SLC30A10: variants seen among roughly 807,000 people sequenced by gnomAD.
SLC30A10 encodes calcium/manganese antiporter SLC30A10.
Under a neutral mutation model 21.7 loss-of-function variants are expected in SLC30A10, and 8 were observed. The observed-to-expected ratio is 0.37, with a 90% CI of 0.22 to 0.67. The LOEUF (loss-of-function observed/expected upper bound fraction) is 0.67, where lower values mean the gene tolerates loss of function less well. Among genes scored for constraint, SLC30A10 ranks in the 30% least tolerant of loss-of-function variants. The pLI is 0.58. For missense variants in SLC30A10, 521 were observed against 642.5 expected (o/e 0.81, Z 2.04); for synonymous variants, 272 against 279.4 (o/e 0.97, Z 0.26).
intron 1 of SLC30A10, 70 bp from the exon 2 acceptor site, chr1:219,927,175 C>T: frequency 5.9e-6 from 9 of 1,514,774 alleles, no homozygotes; most frequent in Non-Finnish European, 8.2e-6. Flanking sequence ...CCAATGGACT[C>T]AAAATAAAGT....
chr1:219,931,704 C>A (rs1353890911), upstream of SLC30A10, among the ~76,000 whole-genome samples: 2 of 152,168 alleles, frequency 1.3e-5, no homozygotes, highest in East Asian at 3.9e-4. Context: ...TGGTCTCGAA[C>A]TCCTGGCCTC....
Position 219,915,811 on chromosome 1 carries a change from T to C in SLC30A10, c.1096A>G (p.Ile366Val). ...DRGYQDASTK[I>V]REIFHHAGIH... The stretch of plus-strand genomic sequence containing the variant: ...CCCGCATGGTGGAAGATTTCTCGAA[T>C]TTTTGTGCTGGCATCTTGATATCCC... The change falls in exon 4 of 4, where the codon ATT becomes GTT. Residue 366 changes from isoleucine to valine, a missense_variant. Ile to Val is a conservative substitution (Grantham distance 29). Coordinates refer to ENST00000366926, the MANE Select transcript of SLC30A10 (RefSeq NM_018713.3). 1 of 1,614,238 alleles carries C rather than the reference T, an allele frequency of 6.2e-7. No homozygotes were observed. The highest frequency in any genetic ancestry group is 1.3e-5 in the African/African-American group (1 of 75,062).
chr1:219,921,904 TGAAA>T (rs1284797432), intron 2 of SLC30A10, among the ~76,000 whole-genome samples: 1 of 84,706 alleles, frequency 1.2e-5, no homozygotes, highest in Non-Finnish European at 2.3e-5. Context: ...TGTGTGTGTG[TGAAA>T]GAGAGAGAGA....
At chr1:219,932,705 CTTTTT>C (rs58052957), upstream of SLC30A10, among the ~76,000 whole-genome samples, 50 of 64,912 alleles carry the variant, frequency 7.7e-4, no homozygotes, top group Non-Finnish European at 1.1e-3. Context: ...AGTAACCATT[CTTTTT>C]TTTTTTTTTT....
Position 219,911,602 on chromosome 1 carries a change from GC to G in SLC30A10, c.*3846del, listed in dbSNP as rs1659416465. Among the ~76,000 whole-genome samples the G allele has an allele frequency of 6.6e-6, 1 of 151,958 alleles. No individual in the cohort carries two copies. The highest frequency in any genetic ancestry group is 1.5e-5 in the Non-Finnish European group (1 of 67,996). On this transcript the variant is annotated 3_prime_UTR_variant, in exon 4 of 4. Transcript: ENST00000366926. ...GATGAGTATAAAGGGATTTATAAGG[GC>G]TTTTCATTTCAAATTACATTTTTCT...
upstream of SLC30A10, among the ~76,000 whole-genome samples, chr1:219,933,025 T>G (rs557527907): frequency 1.5e-4 from 23 of 151,158 alleles, no homozygotes; most frequent in South Asian, 4.8e-3. Context: ...CCTGCCATTG[T>G]ACTCCAGCCT....
chr1:219,922,176 G>GTTT (rs869249213), intron 2 of SLC30A10, among the ~76,000 whole-genome samples: 8 of 36,438 alleles, frequency 2.2e-4, no homozygotes, highest in Non-Finnish European at 4.1e-4. Context: ...GTGTGTGTGT[G>GTTT]TTTTTTTTTT....
chr1:219,915,844 TA>T lies in SLC30A10; in HGVS notation c.1062del (p.Lys355ArgfsTer24), dbSNP rs1659527256. 1 of 1,614,238 alleles carries T rather than the reference TA, an allele frequency of 6.2e-7. No individual in the cohort carries two copies. The highest frequency in any genetic ancestry group is 8.5e-7 in the Non-Finnish European group (1 of 1,180,056). ...KIIATLHIKY[P>X]KDRGYQDAST... ...CTGGCATCTTGATATCCCCTGTCCT[TA>T]GGATACTTGATGTGCAGGGTGGCAA... On this transcript the variant is annotated frameshift_variant, in exon 4 of 4. Transcript: ENST00000366926. LOFTEE classifies it low-confidence loss of function (END_TRUNC).
upstream of SLC30A10, among the ~76,000 whole-genome samples, chr1:219,928,867 C>T (rs552538412): frequency 1.3e-5 from 2 of 152,340 alleles, no homozygotes; most frequent in African/African-American, 4.8e-5. This position sits in a 1 kb window ranked among gnomAD's most constrained non-coding sequence, Gnocchi z 6.3. Flanking sequence ...CCCGCTTCTC[C>T]TGGCCCTCAG....
rs899987454 is a variant in SLC30A10, at chr1:219,913,085, T to C, written c.*2364A>G. 6.6e-6 allele frequency among the ~76,000 whole-genome samples: 1 copy of C among 152,122 alleles called. No individual in the cohort carries two copies. Among genetic ancestry groups the C allele is most frequent in the Non-Finnish European group, 1.5e-5 (1 of 68,012 alleles). ...TGGGAGAATTAAAAGGCAGGACAATTAAAGAGAGAGTGAAACCCAAGTGAA... is the reference window on the plus strand; with the variant it reads ...TGGGAGAATTAAAAGGCAGGACAATCAAAGAGAGAGTGAAACCCAAGTGAA... On this transcript the variant is annotated 3_prime_UTR_variant, in exon 4 of 4. Coordinates refer to ENST00000366926, the MANE Select transcript of SLC30A10 (RefSeq NM_018713.3).
intron 1 of SLC30A10, among the ~76,000 whole-genome samples, chr1:219,953,817 T>C (rs1014332532): frequency 3.3e-5 from 5 of 151,548 alleles, no homozygotes; most frequent in Middle Eastern, 3.4e-3. Context: ...CACCATTCTC[T>C]TGCCTCAGCC....
rs1164399477 is a variant in SLC30A10 at position 219,911,471 on chromosome 1, T to C, written c.*3978A>G. Among the ~76,000 whole-genome samples the C allele has an allele frequency of 2.0e-5, 3 of 152,104 alleles. No homozygotes were observed. The highest frequency in any genetic ancestry group is 3.9e-4 in the East Asian group (2 of 5,178). ...TGTGCTGATAACTATCCAGTCTCAT[T>C]GGATAGTGGGCTCATCAAATTGAGG... On this transcript the variant is annotated 3_prime_UTR_variant, in exon 4 of 4. Transcript: ENST00000366926.
intron 1 of SLC30A10, among the ~76,000 whole-genome samples, chr1:219,935,967 C>T (rs1352218943): frequency 6.6e-6 from 1 of 151,942 alleles, no homozygotes; most frequent in African/African-American, 2.4e-5. Context: ...AAACCCAAAC[C>T]CCCTAGTTTT....
chr1:219,923,935 C>T (rs547634932), intron 2 of SLC30A10, among the ~76,000 whole-genome samples: 79 of 152,250 alleles, frequency 5.2e-4, no homozygotes, highest in African/African-American at 1.8e-3. Context: ...CAGTGGCGCG[C>T]GCCTGTAATC....
At chr1:219,919,754 C>G (rs1397359520) in intron 2 of SLC30A10, among the ~76,000 whole-genome samples, 1 of 137,610 alleles carries the variant, frequency 7.3e-6, no homozygotes. Flanking sequence ...CCAGCCTGGG[C>G]AACAAGAGTG....
chr1:219,919,892 C>T (rs1200825147), intron 2 of SLC30A10, among the ~76,000 whole-genome samples: 1 of 152,030 alleles, frequency 6.6e-6, no homozygotes, highest in Non-Finnish European at 1.5e-5. Flanking sequence ...TCCATGTATT[C>T]CACAGACTTA....
chr1:219,951,450 G>A (rs1256308587), intron 1 of SLC30A10, among the ~76,000 whole-genome samples: 5 of 151,930 alleles, frequency 3.3e-5, no homozygotes, highest in South Asian at 2.1e-4. Flanking sequence ...GGCCGGGCGC[G>A]GTGGCTCACG....
intron 2 of SLC30A10, among the ~76,000 whole-genome samples, chr1:219,920,455 A>C (rs1257551365): frequency 1.3e-5 from 2 of 152,314 alleles, no homozygotes; most frequent in South Asian, 4.1e-4. Context: ...TGTCTCATAC[A>C]TGTTAGGTCC....
rs185517525 is a variant in SLC30A10, at chr1:219,924,627, C to T, written c.718+2401G>A. On this transcript the variant is annotated intron_variant, in intron 2 of 3. Transcript: ENST00000366926. ...AAGCAGCAGGAATGATCTCAGCTAA[C>T]ACGGAAGCACTATGGATTGAGCCCA... Among the ~76,000 whole-genome samples the T allele has an allele frequency of 2.0e-5, 3 of 152,304 alleles. No individual in the cohort carries two copies. In the East Asian group the frequency reaches 5.8e-4, roughly 29 times the overall value.
Sources: allele counts gnomAD v4.1 joint callset (sites outside exome capture counted in the v4.1 genomes callset), GRCh38; gene constraint gnomAD v4.1.1; non-coding constraint Gnocchi (gnomAD v3.1); transcripts MANE v1.5; gene names NCBI Gene and HGNC (gene_info 2026-07-23, HGNC 2026-07-21).